SDK1: variants seen among roughly 807,000 people sequenced by gnomAD.
SDK1 encodes protein sidekick-1.
SDK1 carries 157 observed loss-of-function variants against 245.5 expected under a neutral mutation model. The ratio of observed to expected loss-of-function variants is 0.64; its 90% CI spans 0.56 to 0.73. SDK1 has a LOEUF of 0.73. Among genes scored for constraint, SDK1 ranks in the 30% least tolerant of loss-of-function variants. The pLI is 0.00. For missense variants in SDK1, 3,583 were observed against 3,002.3 expected (o/e 1.19, Z -4.52); for synonymous variants, 1,647 against 1,278.5 (o/e 1.29, Z -6.15).
At chr7:3,845,104 G>T (rs71527462) in intron 5 of SDK1, among the ~76,000 whole-genome samples, 1 of 152,174 alleles carries the variant, frequency 6.6e-6, no homozygotes, top group African/African-American at 2.4e-5. Flanking sequence ...GCGAGAGCCA[G>T]GTTGGCGGGG....
chr7:3,909,521 C>A (rs1490100830), intron 5 of SDK1, among the ~76,000 whole-genome samples: 1 of 152,204 alleles, frequency 6.6e-6, no homozygotes, highest in African/African-American at 2.4e-5. Context: ...CTGATCCCTA[C>A]CTCTCCCAAA....
chr7:3,389,234 A>G (rs1781684440), intron 1 of SDK1, among the ~76,000 whole-genome samples: 2 of 152,196 alleles, frequency 1.3e-5, no homozygotes, highest in Non-Finnish European at 2.9e-5. Context: ...ACCTTCAGTG[A>G]TAAAATGAGA....
intron 4 of SDK1, among the ~76,000 whole-genome samples, chr7:3,721,542 G>A (rs988220271): frequency 4.6e-5 from 7 of 152,248 alleles, no homozygotes; most frequent in African/African-American, 1.4e-4. Flanking sequence ...AGGGCCTTGA[G>A]ATGATTTGGT....
intron 1 of SDK1, among the ~76,000 whole-genome samples, chr7:3,445,510 A>T (rs1780316338): frequency 6.6e-6 from 1 of 152,202 alleles, no homozygotes; most frequent in Non-Finnish European, 1.5e-5. Context: ...TTTTATTTTG[A>T]AATAATTATA....
chr7:4,175,092 A>G (rs1169281201), intron 33 of SDK1, among the ~76,000 whole-genome samples: 1 of 152,138 alleles, frequency 6.6e-6, no homozygotes, highest in African/African-American at 2.4e-5. Flanking sequence ...TCACGCGCCA[A>G]TGCCAGCCGC....
chr7:3,999,700 G>C (rs1784931682), intron 14 of SDK1, among the ~76,000 whole-genome samples: 1 of 152,202 alleles, frequency 6.6e-6, no homozygotes, highest in Non-Finnish European at 1.5e-5. Context: ...GGAGGCTGGA[G>C]GCTGAAATGG....
chr7:4,252,000 G>A (rs547488874), intron 44 of SDK1, among the ~76,000 whole-genome samples: 1 of 152,276 alleles, frequency 6.6e-6, no homozygotes, highest in African/African-American at 2.4e-5. Flanking sequence ...ATGTTTGGAT[G>A]TTAAACCAAC....
intron 5 of SDK1, among the ~76,000 whole-genome samples, chr7:3,830,129 C>T (rs944778410): frequency 1.3e-5 from 2 of 152,260 alleles, no homozygotes; most frequent in Middle Eastern, 3.4e-3. Flanking sequence ...TGACATCGAA[C>T]TGTTGTGGCA....
intron 4 of SDK1, among the ~76,000 whole-genome samples, chr7:3,656,737 A>T (rs1226987570): frequency 1.4e-5 from 2 of 145,730 alleles, no homozygotes; most frequent in East Asian, 2.0e-4. Flanking sequence ...TTTGGTGGAA[A>T]TCTTTTTTTT....
intron 4 of SDK1, among the ~76,000 whole-genome samples, chr7:3,667,698 G>A (rs1783576925): frequency 6.6e-6 from 1 of 152,210 alleles, no homozygotes; most frequent in Non-Finnish European, 1.5e-5. Flanking sequence ...GGATCCTAAA[G>A]TATTTAGCCT....
chr7:4,079,726 A>C (rs991617981), intron 22 of SDK1, 142 bp downstream of exon 22: 3 of 1,189,964 alleles, frequency 2.5e-6, no homozygotes, highest in Non-Finnish European at 3.6e-6. Flanking sequence ...GGCTGGAGAT[A>C]GCCCAGATAC....
intron 1 of SDK1, among the ~76,000 whole-genome samples, chr7:3,589,401 C>G (rs1383182276): frequency 2.0e-5 from 3 of 152,222 alleles, no homozygotes; most frequent in Admixed American, 2.0e-4. Context: ...TGCACAGACT[C>G]TTCCCGTGCA....
intron 1 of SDK1, among the ~76,000 whole-genome samples, chr7:3,479,888 A>G (rs1425124716): frequency 1.3e-5 from 2 of 150,834 alleles, no homozygotes; most frequent in South Asian, 2.1e-4. Context: ...TTTTTTTTTC[A>G]TTAAATGAGA....
chr7:3,514,052 A>C (rs1215962147), intron 1 of SDK1, among the ~76,000 whole-genome samples: 1 of 152,094 alleles, frequency 6.6e-6, no homozygotes, highest in African/African-American at 2.4e-5. Context: ...ACCTAGGTTG[A>C]TTCCATGTCT....
chr7:3,389,530 C>T (rs2128569589), intron 1 of SDK1, among the ~76,000 whole-genome samples: 1 of 152,264 alleles, frequency 6.6e-6, no homozygotes. Context: ...GGACTTCTGG[C>T]CTCTAGGACT....
At chr7:3,908,083 A>G (rs1003440266) in intron 5 of SDK1, among the ~76,000 whole-genome samples, 3 of 152,034 alleles carry the variant, frequency 2.0e-5, no homozygotes, top group Admixed American at 1.3e-4. Context: ...TTATTTAACA[A>G]ACATTTATTG....
At chr7:3,704,848 T>G (rs903050482) in intron 4 of SDK1, among the ~76,000 whole-genome samples, 1 of 152,348 alleles carries the variant, frequency 6.6e-6, no homozygotes, top group East Asian at 1.9e-4. Flanking sequence ...TTTCACCATC[T>G]TGAGTTGATT....
At chr7:3,423,143 A>C (rs998200252) in intron 1 of SDK1, among the ~76,000 whole-genome samples, 4 of 152,226 alleles carry the variant, frequency 2.6e-5, no homozygotes, top group African/African-American at 9.6e-5. Flanking sequence ...GTAAAGAGAA[A>C]ATAAATTGGT....
intron 1 of SDK1, among the ~76,000 whole-genome samples, chr7:3,454,551 A>G (rs576340070): frequency 2.0e-5 from 3 of 152,170 alleles, no homozygotes; most frequent in Admixed American, 6.5e-5. Flanking sequence ...TCCCTTCCCA[A>G]TCTCTGATCA....
Sources: gnomAD v4.1 joint callset for allele counts (sites outside exome capture counted in the v4.1 genomes callset) on GRCh38, gnomAD v4.1.1 for gene constraint, MANE v1.5 for transcripts, NCBI Gene and HGNC (gene_info 2026-07-23, HGNC 2026-07-21) for gene names.